Variants in ZNF385B observed in about 807,000 individuals in gnomAD.
ZNF385B encodes zinc finger protein 533.
In ZNF385B, 23 loss-of-function variants were observed where a neutral mutation model predicts 39.2. The ratio of observed to expected loss-of-function variants is 0.59; its 90% CI spans 0.42 to 0.83. The LOEUF (loss-of-function observed/expected upper bound fraction) is 0.83, where lower values mean the gene tolerates loss of function less well. ZNF385B is among the 40% of genes least tolerant of loss of function. The pLI, the probability that ZNF385B is intolerant of heterozygous loss-of-function variation, is 0.00. For missense variants in ZNF385B, 552 were observed against 598.9 expected, an observed-to-expected ratio of 0.92 and a Z score of 0.82; for synonymous variants, 205 against 222.6, an observed-to-expected ratio of 0.92 and a Z score of 0.70.
At chr2:179,566,782 G>C (rs538742411) in intron 3 of ZNF385B, among the ~76,000 whole-genome samples, 1 of 152,036 alleles carries the variant, frequency 6.6e-6, no homozygotes, top group Admixed American at 6.6e-5. Context: ...TTCAGCTTCA[G>C]TTCCTTCATC....
chr2:179,498,667 C>T (rs1450483354), intron 5 of ZNF385B, among the ~76,000 whole-genome samples: 1 of 151,694 alleles, frequency 6.6e-6, no homozygotes, highest in Non-Finnish European at 1.5e-5. Context: ...ATACCCAAAC[C>T]ATGGGATACT....
chr2:179,622,229 TTAA>T (rs145062347), intron 3 of ZNF385B, among the ~76,000 whole-genome samples: 95 of 152,308 alleles, frequency 6.2e-4, no homozygotes, highest in African/African-American at 2.0e-3. Flanking sequence ...TGTGCAACTA[TTAA>T]TAAAAATGTA....
At chr2:179,633,129 G>T (rs1691400681) in intron 3 of ZNF385B, among the ~76,000 whole-genome samples, 1 of 152,172 alleles carries the variant, frequency 6.6e-6, no homozygotes, top group Non-Finnish European at 1.5e-5. Flanking sequence ...GAGGTACAAA[G>T]AGGAGCTGGT....
chr2:179,724,899 T>C (rs1700909138), intron 3 of ZNF385B, among the ~76,000 whole-genome samples: 1 of 152,176 alleles, frequency 6.6e-6, no homozygotes, highest in Non-Finnish European at 1.5e-5. Flanking sequence ...TAGAAATTAA[T>C]GTAAGATTTT....
chr2:179,812,900 A>T (rs183788639), intron 1 of ZNF385B, among the ~76,000 whole-genome samples: 94 of 152,070 alleles, frequency 6.2e-4, no homozygotes, highest in African/African-American at 2.0e-3. Context: ...TCTTTGATCA[A>T]TGTTCTATTT....
intron 3 of ZNF385B, among the ~76,000 whole-genome samples, chr2:179,756,123 G>T (rs1351609362): frequency 6.6e-6 from 1 of 151,968 alleles, no homozygotes; most frequent in South Asian, 2.1e-4. Flanking sequence ...GGTACCCGTT[G>T]TTCCTTTCCA....
At position 179,472,123 on chromosome 2, in the gene ZNF385B, A is replaced by G. The variant is rs553134550; in HGVS notation, c.715+11149T>C. 2.5e-3 allele frequency among the ~76,000 whole-genome samples: 386 copies of G among 152,320 alleles called. 1 individual carries two copies. The highest frequency in any genetic ancestry group is 9.0e-3 in the African/African-American group (375 of 41,578). ...GGAATACACATCATTATGGTTCTTG[A>G]TTTATTCTATGAAGTTGCCTTCCAA... On this transcript the variant is annotated intron_variant, in intron 6 of 9. Coordinates refer to ENST00000410066, the MANE Select transcript of ZNF385B (RefSeq NM_152520.6).
chr2:179,515,871 T>C (rs997794782), intron 5 of ZNF385B, among the ~76,000 whole-genome samples: 4 of 152,168 alleles, frequency 2.6e-5, no homozygotes, highest in Non-Finnish European at 4.4e-5. Flanking sequence ...ACAATAAAGT[T>C]ATAAAATATT....
intron 1 of ZNF385B, among the ~76,000 whole-genome samples, chr2:179,787,152 C>T (rs990278448): frequency 6.6e-6 from 1 of 151,960 alleles, no homozygotes; most frequent in Non-Finnish European, 1.5e-5. Context: ...CTCTGTCTCT[C>T]AAATATTTAC....
intron 4 of ZNF385B, among the ~76,000 whole-genome samples, chr2:179,537,770 A>AAAC (rs2059679048): frequency 2.0e-5 from 3 of 150,016 alleles, no homozygotes; most frequent in South Asian, 2.1e-4. Flanking sequence ...AACAAACAAA[A>AAAC]AAAAAAATTA....
At chr2:179,662,955 T>C (rs1483354457) in intron 3 of ZNF385B, among the ~76,000 whole-genome samples, 1 of 152,198 alleles carries the variant, frequency 6.6e-6, no homozygotes, top group Non-Finnish European at 1.5e-5. Flanking sequence ...AGATACTCTA[T>C]CATTTTAGTT....
chr2:179,517,298 A>G (rs941434416), intron 5 of ZNF385B, among the ~76,000 whole-genome samples: 2 of 151,928 alleles, frequency 1.3e-5, no homozygotes, highest in African/African-American at 2.4e-5. Flanking sequence ...TGAGATTTTG[A>G]TCAGGATTGT....
At chr2:179,572,521 G>A (rs1281037942) in intron 3 of ZNF385B, among the ~76,000 whole-genome samples, 4 of 152,014 alleles carry the variant, frequency 2.6e-5, no homozygotes, top group Non-Finnish European at 5.9e-5. Flanking sequence ...AGTATGAACC[G>A]AGGGTTAGGC....
At chr2:179,827,907 T>G (rs1405101153) in intron 1 of ZNF385B, among the ~76,000 whole-genome samples, 1 of 152,158 alleles carries the variant, frequency 6.6e-6, no homozygotes. Flanking sequence ...TATCCTGACT[T>G]TTGATACCAT....
intron 1 of ZNF385B, among the ~76,000 whole-genome samples, chr2:179,798,726 T>C (rs1705839357): frequency 6.6e-6 from 1 of 152,134 alleles, no homozygotes; most frequent in Non-Finnish European, 1.5e-5. Context: ...TATAGTCAAA[T>C]TACTGTGGTT....
intron 1 of ZNF385B, among the ~76,000 whole-genome samples, chr2:179,837,826 G>A (rs1028800812): frequency 6.6e-6 from 1 of 152,132 alleles, no homozygotes; most frequent in African/African-American, 2.4e-5. Context: ...AACACATAGA[G>A]AACAGTAGAG....
At chr2:179,572,532 T>C (rs886114012) in intron 3 of ZNF385B, among the ~76,000 whole-genome samples, 5 of 152,006 alleles carry the variant, frequency 3.3e-5, no homozygotes, top group Non-Finnish European at 5.9e-5. Flanking sequence ...AGGGTTAGGC[T>C]GTAGTGAGAA....
intron 3 of ZNF385B, among the ~76,000 whole-genome samples, chr2:179,751,390 G>A (rs1702666247): frequency 2.0e-5 from 3 of 152,118 alleles, no homozygotes; most frequent in Non-Finnish European, 4.4e-5. Context: ...GCACCATCTT[G>A]TGGTAATTCT....
At chr2:179,558,282 A>C (rs2061088306) in intron 3 of ZNF385B, among the ~76,000 whole-genome samples, 4 of 152,154 alleles carry the variant, frequency 2.6e-5, no homozygotes, top group Admixed American at 2.6e-4. Flanking sequence ...CTGCTGCTAT[A>C]AATTCTAGCT....
Sources: allele counts gnomAD v4.1 joint callset (sites outside exome capture counted in the v4.1 genomes callset), GRCh38; gene constraint gnomAD v4.1.1; transcripts MANE v1.5; gene names NCBI Gene and HGNC (gene_info 2026-07-23, HGNC 2026-07-21).